The following HTR2B variants were observed in gnomAD, a reference collection of about 807,000 sequenced individuals.
The protein encoded by HTR2B is 5-hydroxytryptamine receptor 2B.
Under a neutral mutation model 39.8 loss-of-function variants are expected in HTR2B, and 31 were observed. That is an observed-to-expected ratio of 0.78 (90% CI 0.58 to 1.05). HTR2B has a LOEUF of 1.05. Among genes scored for constraint, HTR2B ranks in the 50% least tolerant of loss-of-function variants. The pLI is 0.00. For missense variants in HTR2B, 562 were observed against 578.0 expected (o/e 0.97, Z 0.28); for synonymous variants, 210 against 207.1 (o/e 1.01, Z -0.12).
At position 231,109,090 on chromosome 2, in the gene HTR2B, CTTGTCCT is replaced by C. The variant is rs1695065618; in HGVS notation, c.866_872del (p.Lys289ArgfsTer36). The stretch of plus-strand genomic sequence containing the variant: ...TTTCATCACCTGAGTTGGGCAGAGC[CTTGTCCT>C]TTCGAGAACCATCCAGCATTGCCAC... On this transcript the variant is annotated frameshift_variant, in exon 4 of 4. Coordinates refer to ENST00000258400, the MANE Select transcript of HTR2B (RefSeq NM_000867.5). LOFTEE classifies it high-confidence loss of function. The C allele has an allele frequency of 1.9e-6, 3 of 1,614,210 alleles. No individual in the cohort carries two copies. Among genetic ancestry groups the C allele is most frequent in the Non-Finnish European group, 2.5e-6 (3 of 1,180,030 alleles).
intron 2 of HTR2B, among the ~76,000 whole-genome samples, chr2:231,121,936 C>A (rs1455033627): frequency 1.3e-5 from 2 of 152,060 alleles, no homozygotes; most frequent in Non-Finnish European, 2.9e-5. Context: ...TACTATTATG[C>A]ACATGGAGAT....
In HTR2B at chr2:231,113,734, G is replaced by T; in HGVS notation, c.548C>A (p.Ser183Ter). Reference protein sequence around the residue: ...FIKITVVWLISIGIAIPVPIK... With the variant: ...FIKITVVWLI ...CTCTGGCATTCTCTACATACCTATT[G>T]AAATTAACCACACCACTGTAATCTT... Residue 183 changes from serine (S) to a stop codon, truncating the protein, a stop_gained, in exon 3 of 4, where the codon TCA (serine) becomes TAA (stop). Transcript: ENST00000258400. LOFTEE classifies it high-confidence loss of function. 1 of 1,613,348 alleles carries T rather than the reference G, an allele frequency of 6.2e-7. No individual in the cohort carries two copies. The highest frequency in any genetic ancestry group is 1.1e-5 in the South Asian group (1 of 91,030).
chr2:231,108,543 T>A lies in HTR2B; in HGVS notation c.1420A>T (p.Thr474Ser), dbSNP rs745643878. The change falls in exon 4 of 4, where the codon ACT (threonine) becomes TCT (serine). Residue 474 changes from threonine to serine, a missense_variant. Physicochemically the swap from Thr to Ser is moderately conservative, Grantham distance 58. Coordinates refer to ENST00000258400, the MANE Select transcript of HTR2B (RefSeq NM_000867.5). ...TATACATAACTAACTTGCTCTTCAGTTTTGTCACCTTCATTTTCAGTGAGG... is the reference window on the plus strand; with the variant it reads ...TATACATAACTAACTTGCTCTTCAGATTTGTCACCTTCATTTTCAGTGAGG... ...LLLTENEGDKTEEQVSYV is the reference protein window; with the variant it reads ...LLLTENEGDKSEEQVSYV 16 of 1,613,816 alleles carry A rather than the reference T, an allele frequency of 9.9e-6. No homozygotes were observed. The African/African-American group carries it at 2.1e-4, about 22-fold the overall frequency.
intron 2 of HTR2B, 57 bp from the exon 3 acceptor site, chr2:231,113,986 C>T (rs1467386759): frequency 7.1e-7 from 1 of 1,416,822 alleles, no homozygotes. Flanking sequence ...AACTTTCAGT[C>T]TACAGTTTTT....
In HTR2B at chr2:231,123,986, A is replaced by G. The variant is rs1359632009; in HGVS notation, c.-222T>C. ...GATATCCAAGTATTTATTATTTTCT[A>G]GAGGCTTAAATTTAGGAAAGCTCAG... is the stretch of plus-strand genomic sequence containing the variant. On this transcript the variant is annotated 5_prime_UTR_variant, in exon 2 of 4. Coordinates refer to ENST00000258400, the MANE Select transcript of HTR2B (RefSeq NM_000867.5). The G allele has an allele frequency of 1.9e-6, 1 of 520,106 alleles. No homozygotes were observed. Among genetic ancestry groups the G allele is most frequent in the Non-Finnish European group, 3.5e-6 (1 of 289,338 alleles). The allele number at this position is 520,106 out of a possible 1,614,324, so 32.2% of individuals were successfully genotyped here.
At chr2:231,109,790 C>T (rs186873428) in intron 3 of HTR2B, among the ~76,000 whole-genome samples, 4 of 152,212 alleles carry the variant, frequency 2.6e-5, no homozygotes, top group Non-Finnish European at 4.4e-5. Context: ...TCTTATTATC[C>T]AGTGTAGTTG....
At chr2:231,110,784 C>G (rs1695132521) in intron 3 of HTR2B, among the ~76,000 whole-genome samples, 2 of 152,234 alleles carry the variant, frequency 1.3e-5, no homozygotes, top group Admixed American at 1.3e-4. Flanking sequence ...TGGCATACTG[C>G]CACTCCCATT....
chr2:231,113,741 A>C lies in HTR2B; in HGVS notation c.541T>G (p.Leu181Val), dbSNP rs1274524359. Residue 181 changes from leucine to valine, a missense_variant, in exon 3 of 4, where the codon TTA (leucine) becomes GTA (valine). Transcript: ENST00000258400. ...ATTCTCTACATACCTATTGAAATTA[A>C]CCACACCACTGTAATCTTGATGAAT... ...TAFIKITVVW[L>V]ISIGIAIPVP... The C allele has an allele frequency of 6.2e-7, 1 of 1,613,932 alleles. No homozygotes were observed. The highest frequency in any genetic ancestry group is 8.5e-7 in the Non-Finnish European group (1 of 1,179,844).
At chr2:231,121,617 G>A (rs983017654) in intron 2 of HTR2B, among the ~76,000 whole-genome samples, 28 of 152,192 alleles carry the variant, frequency 1.8e-4, no homozygotes, top group African/African-American at 5.8e-4. Context: ...TATTAAACAG[G>A]TAAATCTTTG....
intron 2 of HTR2B, among the ~76,000 whole-genome samples, chr2:231,116,715 C>G (rs1254470754): frequency 6.6e-6 from 1 of 152,000 alleles, no homozygotes; most frequent in African/African-American, 2.4e-5. Flanking sequence ...TTTATAAACT[C>G]ATTCCCACTT....
At chr2:231,111,997 A>AT (rs1287729383) in intron 3 of HTR2B, among the ~76,000 whole-genome samples, 1 of 152,190 alleles carries the variant, frequency 6.6e-6, no homozygotes, top group African/African-American at 2.4e-5. Flanking sequence ...AATTGATGGT[A>AT]TCCAGCCTTA....
Position 231,108,492 on chromosome 2 carries a change from T to C in HTR2B, c.*25A>G, listed in dbSNP as rs1167998328. On this transcript the variant is annotated 3_prime_UTR_variant, in exon 4 of 4. Transcript: ENST00000258400. ...TCATTCATCATCTTACTCATCATTA[T>C]GTTTGATGACAACTGCCAGTTCTGC... 2 of 1,563,102 alleles carry C rather than the reference T, an allele frequency of 1.3e-6. No individual in the cohort carries two copies. Among genetic ancestry groups the C allele is most frequent in the African/African-American group, 1.4e-5 (1 of 73,924 alleles).
chr2:231,124,542 A>G (rs1695670126), intron 1 of HTR2B, among the ~76,000 whole-genome samples: 1 of 152,100 alleles, frequency 6.6e-6, no homozygotes, highest in Non-Finnish European at 1.5e-5. Context: ...GTTTGTGAGT[A>G]CTGATATAAA....
chr2:231,121,200 G>A (rs1227089117), intron 2 of HTR2B, among the ~76,000 whole-genome samples: 2 of 152,036 alleles, frequency 1.3e-5, no homozygotes, highest in East Asian at 3.8e-4. Context: ...AAAAGTGTTT[G>A]GGGCTATAAA....
chr2:231,116,656 C>T (rs1695345395), intron 2 of HTR2B, among the ~76,000 whole-genome samples: 1 of 151,990 alleles, frequency 6.6e-6, no homozygotes, highest in Non-Finnish European at 1.5e-5. Flanking sequence ...TTTTTTAGTG[C>T]TGATTTAAGT....
intron 2 of HTR2B, among the ~76,000 whole-genome samples, chr2:231,118,228 A>G (rs534449202): frequency 4.6e-5 from 7 of 152,260 alleles, no homozygotes; most frequent in South Asian, 2.1e-4. Flanking sequence ...AAAACACTCA[A>G]TAAATGTTAG....
At chr2:231,114,484 A>G (rs1695264314) in intron 2 of HTR2B, among the ~76,000 whole-genome samples, 1 of 152,144 alleles carries the variant, frequency 6.6e-6, no homozygotes, top group Non-Finnish European at 1.5e-5. Flanking sequence ...TTTTGACAGA[A>G]ATAGTTCTCA....
In HTR2B at chr2:231,123,836, GT is replaced by G; in HGVS notation, c.-73del. On this transcript the variant is annotated 5_prime_UTR_variant, in exon 2 of 4. Transcript: ENST00000258400. ...TGGTTAGTAGCTAAGCTGCTCATCTGTTTTTTTAAGGCATTGTAACCATGCC... is the reference window on the plus strand; with the variant it reads ...TGGTTAGTAGCTAAGCTGCTCATCTGTTTTTTAAGGCATTGTAACCATGCC... The G allele has an allele frequency of 5.1e-6, 6 of 1,172,538 alleles. No homozygotes were observed. The highest frequency in any genetic ancestry group is 7.7e-6 in the Non-Finnish European group (6 of 780,654). The allele number at this position is 1,172,538 out of a possible 1,614,324, so 72.6% of individuals were successfully genotyped here. A position where few individuals can be genotyped will look rare whatever the true frequency, so the allele number is the denominator to read the frequency against.
intron 1 of HTR2B, among the ~76,000 whole-genome samples, chr2:231,124,470 G>A (rs1695667600): frequency 6.6e-6 from 1 of 151,840 alleles, no homozygotes; most frequent in Admixed American, 6.6e-5. Context: ...AGCCCAACAA[G>A]GGTCTAAATA....
Sources: allele counts gnomAD v4.1 joint callset (sites outside exome capture counted in the v4.1 genomes callset), GRCh38; gene constraint gnomAD v4.1.1; transcripts MANE v1.5; gene names NCBI Gene and HGNC (gene_info 2026-07-23, HGNC 2026-07-21).